IARS2: variants seen among roughly 807,000 people sequenced by gnomAD.
The protein encoded by IARS2 is isoleucine--tRNA ligase, mitochondrial.
Under a neutral mutation model 126.3 loss-of-function variants are expected in IARS2, and 56 were observed. The ratio of observed to expected loss-of-function variants is 0.44; its 90% confidence interval spans 0.36 to 0.55. The LOEUF (loss-of-function observed/expected upper bound fraction) is 0.55. Among genes scored for constraint, IARS2 ranks in the 20% least tolerant of loss-of-function variants. IARS2 has a pLI of 0.00. For synonymous variants in IARS2, 407 were observed against 441.1 expected, an observed-to-expected ratio of 0.92 and a Z score of 0.97; for missense variants, 1,127 against 1,245.9, an observed-to-expected ratio of 0.90 and a Z score of 1.44.
intron 21 of IARS2, chr1:220,143,857 A>G: frequency 6.5e-6 from 4 of 618,834 alleles, no homozygotes; most frequent in Non-Finnish European, 1.1e-5. Context: ...TAACATAATG[A>G]TGTGATTTTT....
At chr1:220,125,370 G>C (rs376765744) in intron 13 of IARS2, 31 bp downstream of exon 13, 1 of 1,343,876 alleles carries the variant, frequency 7.4e-7, no homozygotes, top group South Asian at 1.2e-5. Flanking sequence ...AACAGCCTTT[G>C]TATGTATTAC....
chr1:220,110,726 T>C (rs111543996), intron 10 of IARS2, 60 bp from the exon 11 acceptor site: 21 of 1,319,742 alleles, frequency 1.6e-5, no homozygotes, highest in Non-Finnish European at 2.2e-5. Flanking sequence ...GTTTAGAGCA[T>C]TTTTAGGATT....
intron 2 of IARS2, among the ~76,000 whole-genome samples, chr1:220,098,922 A>T (rs1656507943): frequency 6.6e-6 from 1 of 152,168 alleles, no homozygotes; most frequent in Non-Finnish European, 1.5e-5. Flanking sequence ...GTAGAAATAC[A>T]ATGCAAGCGG....
At chr1:220,114,502 G>A in intron 12 of IARS2, 28 bp downstream of exon 12, 1 of 1,541,508 alleles carries the variant, frequency 6.5e-7, no homozygotes, top group Non-Finnish European at 8.8e-7. Flanking sequence ...ATTTTTTAGT[G>A]TTTTAAAGTG....
intron 20 of IARS2, among the ~76,000 whole-genome samples, chr1:220,142,473 G>A (rs1320658143): frequency 6.6e-6 from 1 of 152,168 alleles, no homozygotes; most frequent in Non-Finnish European, 1.5e-5. Context: ...CTGTACTTCA[G>A]CCTGGGTGAC....
rs190846251 is a variant in IARS2 at position 220,137,903 on chromosome 1, T to C, written c.2050-15T>C. On this transcript the variant is annotated splice_polypyrimidine_tract_variant and intron_variant, in intron 16 of 22. Transcript: ENST00000366922. ...GAAAGCCATTGTGTTTATATATTTT[T>C]TTCTCAATGAAAAGGATCAAAGCAA... 1.2e-5 allele frequency: 19 copies of C among 1,613,578 alleles called. No individual in the cohort carries two copies. In the African/African-American group the frequency reaches 2.5e-4, roughly 22 times the overall value.
chr1:220,125,718 T>C (rs1657140828), intron 13 of IARS2, among the ~76,000 whole-genome samples: 1 of 151,798 alleles, frequency 6.6e-6, no homozygotes, highest in African/African-American at 2.4e-5. Flanking sequence ...GGGGGGAGGA[T>C]GGCTTGAGCC....
intron 12 of IARS2, among the ~76,000 whole-genome samples, chr1:220,124,594 T>TTATATG (rs982901195): frequency 5.9e-5 from 9 of 152,236 alleles, no homozygotes; most frequent in African/African-American, 1.7e-4. Context: ...GAAGTTTTAG[T>TTATATG]ACTTGTGCAT....
At chr1:220,134,833 T>C (rs1466133993) in intron 15 of IARS2, 1 of 163,484 alleles carries the variant, frequency 6.1e-6, no homozygotes, top group African/African-American at 2.4e-5. Flanking sequence ...AATGGTGTGG[T>C]CAGAGCTCGC....
At chr1:220,097,371 T>C (rs1656467140) in intron 2 of IARS2, among the ~76,000 whole-genome samples, 1 of 150,554 alleles carries the variant, frequency 6.6e-6, no homozygotes, top group Admixed American at 6.6e-5. Flanking sequence ...TTTTCTTTTT[T>C]TTTTTTTTTT....
At chr1:220,111,594 A>G (rs1187265129) in intron 11 of IARS2, among the ~76,000 whole-genome samples, 174 of 139,686 alleles carry the variant, frequency 1.2e-3, no homozygotes, top group African/African-American at 4.8e-3. Flanking sequence ...ATATATATAT[A>G]TATATGTGTG....
chr1:220,106,303 T>G (rs1199371303), intron 9 of IARS2, among the ~76,000 whole-genome samples: 1 of 152,194 alleles, frequency 6.6e-6, no homozygotes, highest in Non-Finnish European at 1.5e-5. Flanking sequence ...TTTAAAATAC[T>G]TTTTTTCTAG....
At chr1:220,141,708 G>C in intron 19 of IARS2, 95 bp from the exon 20 acceptor site, 1 of 1,182,804 alleles carries the variant, frequency 8.5e-7, no homozygotes, top group Non-Finnish European at 1.2e-6. Context: ...CATAGGATTA[G>C]CCACTAGGAA....
At chr1:220,111,221 G>A (rs1416164853) in intron 11 of IARS2, among the ~76,000 whole-genome samples, 6 of 152,054 alleles carry the variant, frequency 3.9e-5, no homozygotes, top group African/African-American at 1.4e-4. Context: ...CATAGAATTT[G>A]GACAGAACTG....
intron 12 of IARS2, among the ~76,000 whole-genome samples, chr1:220,118,484 G>C (rs1656973602): frequency 6.6e-6 from 1 of 151,874 alleles, no homozygotes; most frequent in Non-Finnish European, 1.5e-5. Flanking sequence ...GTCATTTTTT[G>C]AATCTGTGAG....
At chr1:220,133,065 C>T (rs1427661512) in intron 14 of IARS2, among the ~76,000 whole-genome samples, 1 of 151,314 alleles carries the variant, frequency 6.6e-6, no homozygotes, top group Non-Finnish European at 1.5e-5. Context: ...GGCTAGAGTG[C>T]AGTGGCACAA....
chr1:220,134,312 C>T, intron 14 of IARS2, 90 bp from the exon 15 acceptor site: 2 of 860,690 alleles, frequency 2.3e-6, no homozygotes, highest in Non-Finnish European at 3.5e-6. Flanking sequence ...CCCTTCCTCC[C>T]CACTAATTGT....
chr1:220,143,748 A>G (rs1328006515), intron 21 of IARS2, among the ~76,000 whole-genome samples: 2 of 152,186 alleles, frequency 1.3e-5, no homozygotes, highest in South Asian at 2.1e-4. Flanking sequence ...GTTACCACAT[A>G]TATTTCAAAG....
At chr1:220,140,478 CTG>C (rs1369637331) in intron 19 of IARS2, among the ~76,000 whole-genome samples, 189 bp downstream of exon 19, 7 of 152,122 alleles carry the variant, frequency 4.6e-5, no homozygotes, top group African/African-American at 1.7e-4. Flanking sequence ...ACTCAGGAGA[CTG>C]AGGCACGAGA....
Sources: allele counts gnomAD v4.1 joint callset (sites outside exome capture counted in the v4.1 genomes callset), GRCh38; gene constraint gnomAD v4.1.1; transcripts MANE v1.5; gene names NCBI Gene and HGNC (gene_info 2026-07-23, HGNC 2026-07-21).